AOX1: variants seen among roughly 807,000 people sequenced by gnomAD.
AOX1 encodes aldehyde oxidase 1.
AOX1 carries 153 observed loss-of-function variants against 169.5 expected under a neutral mutation model. The observed-to-expected ratio is 0.90, with a 90% confidence interval of 0.79 to 1.03. AOX1 has a LOEUF of 1.03. AOX1 is among the 50% of genes least tolerant of loss of function. The pLI, the probability that AOX1 is intolerant of heterozygous loss-of-function variation, is 0.00. For missense variants in AOX1, 1,656 were observed against 1,663.9 expected, an observed-to-expected ratio of 1.00 and a Z score of 0.08; for synonymous variants, 562 against 581.9, an observed-to-expected ratio of 0.97 and a Z score of 0.49.
chr2:200,588,694 C>T (rs868746410), intron 1 of AOX1, among the ~76,000 whole-genome samples: 23 of 134,332 alleles, frequency 1.7e-4, no homozygotes, highest in African/African-American at 6.3e-4. Context: ...ATAAACAAGC[C>T]TGATTACTTA....
At chr2:200,677,708 C>T (rs980168847), downstream of AOX1, among the ~76,000 whole-genome samples, 24 of 152,168 alleles carry the variant, frequency 1.6e-4, no homozygotes, top group African/African-American at 4.3e-4. Flanking sequence ...CACTTTGCTC[C>T]GAGTGCTTGA....
At chr2:200,631,662 C>T (rs940367501) in intron 20 of AOX1, among the ~76,000 whole-genome samples, 3 of 152,162 alleles carry the variant, frequency 2.0e-5, no homozygotes, top group African/African-American at 7.2e-5. Flanking sequence ...CGGGTGGGGG[C>T]TGTCAGGGTA....
chr2:200,619,361 G>A (rs1324300715), intron 16 of AOX1, among the ~76,000 whole-genome samples: 3 of 152,170 alleles, frequency 2.0e-5, no homozygotes, highest in Non-Finnish European at 4.4e-5. Context: ...CAACATGACT[G>A]CATGCCCCTC....
intron 32 of AOX1, among the ~76,000 whole-genome samples, chr2:200,667,765 A>C (rs561670548): frequency 2.0e-5 from 3 of 151,362 alleles, no homozygotes; most frequent in South Asian, 4.2e-4. Flanking sequence ...GGGTGGGTGG[A>C]GGGCTTTTAG....
intron 25 of AOX1, among the ~76,000 whole-genome samples, chr2:200,648,395 C>G (rs1559254400): frequency 6.6e-6 from 1 of 152,194 alleles, no homozygotes; most frequent in Non-Finnish European, 1.5e-5. Context: ...CTACCCAGCT[C>G]CCGGCTGGTA....
chr2:200,616,056 A>G lies in AOX1; in HGVS notation c.1697A>G (p.Lys566Arg). The stretch of plus-strand genomic sequence containing the variant: ...TCCAAACATCACTGCAGTACATTAA[A>G]GTACCAGGTGAGCGGTATTTCTTGT... Reference protein sequence around the residue: ...LHSKHHCSTLKYQNIGPKQHP... With the variant: ...LHSKHHCSTLRYQNIGPKQHP... The change falls in exon 16 of 35, where the codon AAG becomes AGG. Residue 566 changes from lysine (K) to arginine (R), a missense_variant. Physicochemically the swap from Lys to Arg is conservative, Grantham distance 26. Coordinates refer to ENST00000374700, the MANE Select transcript of AOX1 (RefSeq NM_001159.4). The G allele has an allele frequency of 6.2e-7, 1 of 1,610,318 alleles. No individual in the cohort carries two copies. Among genetic ancestry groups the G allele is most frequent in the Non-Finnish European group, 8.5e-7 (1 of 1,176,592 alleles).
chr2:200,612,866 G>A, intron 14 of AOX1, 73 bp downstream of exon 14: 1 of 1,218,624 alleles, frequency 8.2e-7, no homozygotes, highest in Non-Finnish European at 1.1e-6. Context: ...CCCTTTTTGT[G>A]GTGAGATGTG....
In AOX1 at chr2:200,604,713, G is replaced by A. The variant is rs369958876; in HGVS notation, c.687G>A (p.Gln229=). 2.7e-5 allele frequency: 43 copies of A among 1,614,000 alleles called. No homozygotes were observed. The highest frequency in any genetic ancestry group is 1.0e-4 in the Admixed American group (6 of 59,992). ...TTCAATAGATAATGGCTGAGAAACAGTCGCAAAGGACCAGGGTGTTTGGCA... is the reference window on the plus strand; with the variant it reads ...TTCAATAGATAATGGCTGAGAAACAATCGCAAAGGACCAGGGTGTTTGGCA... ...PPELMIMAEK[Q]SQRTRVFGSE... Residue 229 remains glutamine, a synonymous_variant, in exon 9 of 35, where the codon CAG becomes CAA. Coordinates refer to ENST00000374700, the MANE Select transcript of AOX1 (RefSeq NM_001159.4).
At chr2:200,620,531 A>G in intron 16 of AOX1, 119 bp from the exon 17 acceptor site, 1 of 987,454 alleles carries the variant, frequency 1.0e-6, no homozygotes, top group Non-Finnish European at 1.4e-6. Flanking sequence ...TTCATATGCA[A>G]AAGTATTCTG....
intron 26 of AOX1, among the ~76,000 whole-genome samples, chr2:200,656,036 A>G (rs2035675243): frequency 6.6e-6 from 1 of 152,238 alleles, no homozygotes; most frequent in African/African-American, 2.4e-5. Context: ...TGCCTAAAAA[A>G]TTAGATGTGA....
In AOX1 at chr2:200,603,357, G is replaced by A. The variant is rs148871699; in HGVS notation, c.588+1G>A. ...GCCAGAATTTGAGGAAGGAAGTAAG[G>A]TCAGTGAAATGTAAAGCTTTTATAA... On this transcript the variant is annotated splice_donor_variant, in intron 7 of 34. Transcript: ENST00000374700. LOFTEE classifies it high-confidence loss of function. 23 of 1,611,398 alleles carry A rather than the reference G, an allele frequency of 1.4e-5. No individual in the cohort carries two copies. In the East Asian group the frequency reaches 4.7e-4, roughly 33 times the overall value.
At chr2:200,640,870 C>T (rs2035339178) in intron 23 of AOX1, among the ~76,000 whole-genome samples, 3 of 152,204 alleles carry the variant, frequency 2.0e-5, no homozygotes, top group Admixed American at 1.3e-4. Context: ...GTTTCAGGCA[C>T]TTGCCTATAA....
chr2:200,644,816 G>T (rs1405494828), intron 25 of AOX1, among the ~76,000 whole-genome samples: 2 of 152,150 alleles, frequency 1.3e-5, no homozygotes, highest in African/African-American at 4.8e-5. Flanking sequence ...TATTGTAAAA[G>T]GGGTTGAGTT....
At chr2:200,605,509 G>A (rs1484560069) in intron 9 of AOX1, 27 bp from the exon 10 acceptor site, 2 of 772,520 alleles carry the variant, frequency 2.6e-6, no homozygotes, top group African/African-American at 2.7e-5. Context: ...TAGTCTTATT[G>A]ATTTTTTTTT....
chr2:200,638,361 G>T (rs1311840021), intron 23 of AOX1, 59 bp downstream of exon 23: 10 of 1,469,336 alleles, frequency 6.8e-6, no homozygotes, highest in Non-Finnish European at 9.5e-6. Flanking sequence ...TCCTATCAGT[G>T]CGCAGGGCAG....
chr2:200,633,866 C>A (rs1161568231), intron 20 of AOX1, among the ~76,000 whole-genome samples: 1 of 152,090 alleles, frequency 6.6e-6, no homozygotes, highest in African/African-American at 2.4e-5. Context: ...GTACTTTAAC[C>A]TTTTACTGAT....
rs148885791 is a variant in AOX1, at chr2:200,642,741, G to A, written c.2787G>A (p.Ala929=). The A allele has an allele frequency of 2.2e-5, 36 of 1,613,916 alleles. No individual in the cohort carries two copies. Among genetic ancestry groups the A allele is most frequent in the African/African-American group, 2.0e-4 (15 of 74,908 alleles). The change falls in exon 25 of 35, where the codon GCG becomes GCA. Residue 929 remains alanine, a synonymous_variant. Transcript: ENST00000374700. ...AFRGFGFPQA[A]LITESCITEV... ...GTGGGTTTGGCTTTCCTCAGGCAGCGCTGATCACCGAATCTTGTATCACGG... is the reference window on the plus strand; with the variant it reads ...GTGGGTTTGGCTTTCCTCAGGCAGCACTGATCACCGAATCTTGTATCACGG...
At chr2:200,634,596 C>T (rs936961860) in intron 20 of AOX1, among the ~76,000 whole-genome samples, 195 bp from the exon 21 acceptor site, 1 of 152,156 alleles carries the variant, frequency 6.6e-6, no homozygotes, top group African/African-American at 2.4e-5. Flanking sequence ...TATTGGCAGA[C>T]ACAAAAGATT....
At chr2:200,603,952 C>T in intron 7 of AOX1, 65 bp from the exon 8 acceptor site, 3 of 1,109,058 alleles carry the variant, frequency 2.7e-6, no homozygotes, top group Admixed American at 3.5e-5. Context: ...TATCTTTTGA[C>T]CTTATTCCAC....
Sources: allele counts gnomAD v4.1 joint callset (sites outside exome capture counted in the v4.1 genomes callset), GRCh38; gene constraint gnomAD v4.1.1; transcripts MANE v1.5; gene names NCBI Gene and HGNC (gene_info 2026-07-23, HGNC 2026-07-21).